The following NPC1 variants were observed in gnomAD, a reference collection of about 807,000 sequenced individuals.
NPC1 encodes Niemann-Pick C1 protein.
NPC1 carries 85 observed loss-of-function variants against 140.4 expected under a neutral mutation model. That is an observed-to-expected ratio of 0.61 (90% confidence interval 0.51 to 0.72). The LOEUF is 0.72. Among genes scored for constraint, NPC1 ranks in the 30% least tolerant of loss-of-function variants. The pLI, the probability that NPC1 is intolerant of heterozygous loss-of-function variation, is 0.00. For synonymous variants in NPC1, 656 were observed against 624.8 expected (o/e 1.05, Z -0.74); for missense variants, 1,504 against 1,623.8 (o/e 0.93, Z 1.27).
rs558572608 is a variant in NPC1, at chr18:23,550,383, G to C, written c.1654+1244C>G. Among the ~76,000 whole-genome samples, 3 of 151,262 alleles carry C rather than the reference G, an allele frequency of 2.0e-5. No individual in the cohort carries two copies. The East Asian group carries it at 5.8e-4, about 29-fold the overall frequency. Reference sequence around the variant, plus strand: ...TCAACTTCATCAGTCTTTCCTTTTCGGGCTTCTGAGTTTTGTGTCTTGCTT... The same window carrying C: ...TCAACTTCATCAGTCTTTCCTTTTCCGGCTTCTGAGTTTTGTGTCTTGCTT... On this transcript the variant is annotated intron_variant, in intron 10 of 24. Transcript: ENST00000269228.
At chr18:23,556,929 G>C (rs1045114683) in intron 7 of NPC1, among the ~76,000 whole-genome samples, 188 bp downstream of exon 7, 2 of 152,174 alleles carry the variant, frequency 1.3e-5, no homozygotes, top group Non-Finnish European at 2.9e-5. Context: ...TAATTACTTG[G>C]TTCTGCTGTG....
At chr18:23,567,512 T>C (rs2059142563) in intron 4 of NPC1, among the ~76,000 whole-genome samples, 1 of 152,226 alleles carries the variant, frequency 6.6e-6, no homozygotes, top group Non-Finnish European at 1.5e-5. Flanking sequence ...TTTTAGGAGT[T>C]ATTTGTATAT....
chr18:23,536,702 G>A lies in NPC1; in HGVS notation c.3216C>T (p.Asn1072=), dbSNP rs779463609. 1.1e-5 allele frequency: 18 copies of A among 1,614,166 alleles called. No homozygotes were observed. The highest frequency in any genetic ancestry group is 2.2e-5 in the East Asian group (1 of 44,884). Residue 1072 remains asparagine (N), a synonymous_variant, in exon 21 of 25, where the codon AAC becomes AAT. Coordinates refer to ENST00000269228, the MANE Select transcript of NPC1 (RefSeq NM_000271.5). ...AAGGAAATACTCGGTAGGCACTGCC[G>A]TTAATGCCCATGGTTTCGGTGACAT... ...ASNVTETMGI[N]GSAYRVFPYS...
chr18:23,506,570 A>C (rs1216290761), exon 4 of NPC1: 1 of 204,690 alleles, frequency 4.9e-6, no homozygotes, highest in Admixed American at 5.9e-5. Context: ...GAGACACTGT[A>C]GTGGAGCCAT....
At chr18:23,525,394 C>T (rs1039314760), downstream of NPC1, among the ~76,000 whole-genome samples, 3 of 151,718 alleles carry the variant, frequency 2.0e-5, no homozygotes, top group East Asian at 5.8e-4. Context: ...CCTACAGGCG[C>T]ACATCACCAC....
chr18:23,572,885 T>C (rs139911349), intron 2 of NPC1, among the ~76,000 whole-genome samples: 2 of 152,300 alleles, frequency 1.3e-5, no homozygotes, highest in African/African-American at 4.8e-5. Context: ...AGGAACTCTG[T>C]TATCATGTCG....
At chr18:23,535,388 G>A in intron 22 of NPC1, 81 bp downstream of exon 22, 2 of 994,894 alleles carry the variant, frequency 2.0e-6, no homozygotes, top group Non-Finnish European at 3.1e-6. Flanking sequence ...CCATCTTTAG[G>A]GTTTACATGG....
In NPC1 at chr18:23,562,309, CA is replaced by C. The variant is rs1014105706; in HGVS notation, c.464-783del. Among the ~76,000 whole-genome samples the C allele has an allele frequency of 5.5e-5, 8 of 146,156 alleles. No homozygotes were observed. In the East Asian group the frequency reaches 1.5e-3, roughly 27 times the overall value. ...ATCACAAAAAAACAAAAAAAAAAAACAAAAAAAACCCCTAATACTGTTATCT... is the reference window on the plus strand; with the variant it reads ...ATCACAAAAAAACAAAAAAAAAAAACAAAAAAACCCCTAATACTGTTATCT... On this transcript the variant is annotated intron_variant, in intron 4 of 24. Coordinates refer to ENST00000269228, the MANE Select transcript of NPC1 (RefSeq NM_000271.5).
chr18:23,544,951 C>CCCCCA lies in NPC1; in HGVS notation c.1947+8_1947+9insTGGGG, dbSNP rs1555634688. 2.1e-6 allele frequency: 3 copies of CCCCCA among 1,436,006 alleles called. No individual in the cohort carries two copies. The highest frequency in any genetic ancestry group is 2.9e-6 in the Non-Finnish European group (3 of 1,028,842). The allele number at this position is 1,436,006 out of a possible 1,614,324, so 89.0% of individuals were successfully genotyped here. The stretch of plus-strand genomic sequence containing the variant: ...CCTCTAGAACATACACCACCCCCCC[C>CCCCCA]CGGCTTACCAGAAGCCTGCGACAGC... On this transcript the variant is annotated intron_variant, in intron 12 of 24. Coordinates refer to ENST00000269228, the MANE Select transcript of NPC1 (RefSeq NM_000271.5).
At chr18:23,524,065 A>G (rs969708209) in intron 1 of NPC1, 6 of 1,516,308 alleles carry the variant, frequency 4.0e-6, no homozygotes, top group East Asian at 2.3e-5. Context: ...CTTTTGTGTC[A>G]TAAGTACCAG....
rs2058874338 is a variant in NPC1, at chr18:23,551,660, C to T, written c.1621G>A (p.Val541Met). 1 of 1,614,180 alleles carries T rather than the reference C, an allele frequency of 6.2e-7. No individual in the cohort carries two copies. The change falls in exon 10 of 25, where the codon GTG (valine) becomes ATG (methionine). Residue 541 changes from valine (V) to methionine (M), a missense_variant. Physicochemically the swap from Val to Met is conservative, Grantham distance 21. Coordinates refer to ENST00000269228, the MANE Select transcript of NPC1 (RefSeq NM_000271.5). The stretch of plus-strand genomic sequence containing the variant: ...CCTCCCAACACAAGCCACGGGAACA[C>T]TGGTCCACCAAACGTACCCAGACAA... ...DPCLGTFGGPVFPWLVLGGYD... is the reference protein window; with the variant it reads ...DPCLGTFGGPMFPWLVLGGYD...
chr18:23,518,036 A>G (rs1158802379), downstream of NPC1, among the ~76,000 whole-genome samples: 1 of 152,212 alleles, frequency 6.6e-6, no homozygotes, highest in East Asian at 1.9e-4. Flanking sequence ...TGTTTAGACA[A>G]TAGATAAAGT....
chr18:23,544,952 C>CCCCGG lies in NPC1; in HGVS notation c.1947+7_1947+8insCCGGG. 2 of 1,430,720 alleles carry CCCCGG rather than the reference C, an allele frequency of 1.4e-6. No individual in the cohort carries two copies. Among genetic ancestry groups the CCCCGG allele is most frequent in the Non-Finnish European group, 2.0e-6 (2 of 1,025,414 alleles). 88.6% of individuals were successfully genotyped at this position (1,430,720 alleles called of 1,614,324 possible). A position where few individuals can be genotyped will look rare whatever the true frequency, so the allele number is the denominator to read the frequency against. On this transcript the variant is annotated splice_region_variant and intron_variant, in intron 12 of 24. Coordinates refer to ENST00000269228, the MANE Select transcript of NPC1 (RefSeq NM_000271.5). ...CTCTAGAACATACACCACCCCCCCC[C>CCCCGG]GGCTTACCAGAAGCCTGCGACAGCT...
intron 3 of NPC1, among the ~76,000 whole-genome samples, chr18:23,512,104 TCCA>T (rs1280047265): frequency 1.5e-5 from 2 of 136,240 alleles, no homozygotes; most frequent in African/African-American, 5.5e-5. Flanking sequence ...CACGGCAACC[TCCA>T]CCTCCTGGGT....
downstream of NPC1, chr18:23,519,292 C>G: frequency 1.2e-6 from 1 of 834,718 alleles, no homozygotes; most frequent in Non-Finnish European, 1.9e-6. Flanking sequence ...CCAAGGCGGA[C>G]AGATTGCTTG....
chr18:23,562,936 T>G (rs1199779428), intron 4 of NPC1, among the ~76,000 whole-genome samples: 1 of 152,186 alleles, frequency 6.6e-6, no homozygotes, highest in East Asian at 1.9e-4. Flanking sequence ...TTTAATGGAG[T>G]TTAGCATATT....
At chr18:23,548,145 C>T (rs761668427) in intron 10 of NPC1, 37 bp from the exon 11 acceptor site, 4 of 1,254,186 alleles carry the variant, frequency 3.2e-6, no homozygotes, top group Non-Finnish European at 4.7e-6. Flanking sequence ...AAGCAGATTA[C>T]AAGCATGCAG....
downstream of NPC1, chr18:23,530,275 A>C (rs949903813): frequency 6.2e-7 from 1 of 1,614,170 alleles, no homozygotes; most frequent in Non-Finnish European, 8.5e-7. Context: ...CCTGCTCATC[A>C]GCTATCTCTG....
chr18:23,568,730 A>AT (rs1204274237), intron 4 of NPC1, 93 bp downstream of exon 4: 16 of 1,037,816 alleles, frequency 1.5e-5, no homozygotes, highest in Non-Finnish European at 2.3e-5. Context: ...GAAAATTGTG[A>AT]TTTTCCAGAG....
Sources: allele counts gnomAD v4.1 joint callset (sites outside exome capture counted in the v4.1 genomes callset), GRCh38; gene constraint gnomAD v4.1.1; transcripts MANE v1.5; gene names NCBI Gene and HGNC (gene_info 2026-07-23, HGNC 2026-07-21).